The following GPR180 variants were observed in gnomAD, a reference collection of about 807,000 sequenced individuals.
GPR180 encodes the protein G protein-coupled receptor 180, also known as integral membrane protein GPR180.
A neutral mutation model predicts 52.6 loss-of-function variants in GPR180; 53 were observed. That is an observed-to-expected ratio of 1.01 (90% confidence interval 0.81 to 1.27). The LOEUF is 1.27. Among genes scored for constraint, GPR180 ranks in the 50% most tolerant of loss-of-function variants. The pLI, the probability that GPR180 is intolerant of heterozygous loss-of-function variation, is 0.00. For synonymous variants in GPR180, 200 were observed against 193.1 expected (o/e 1.04, Z -0.30); for missense variants, 533 against 527.0 (o/e 1.01, Z -0.11).
At chr13:94,623,438 T>G in intron 7 of GPR180, 138 bp downstream of exon 7, 1 of 645,268 alleles carries the variant, frequency 1.5e-6, no homozygotes, top group Non-Finnish European at 2.6e-6. Flanking sequence ...ATAATCCCAG[T>G]GCTTTGGAAG....
rs1203421435 is a variant in GPR180, at chr13:94,621,116, C to CT, written c.779dup (p.Leu260PhefsTer49). On this transcript the variant is annotated frameshift_variant, in exon 6 of 9. Coordinates refer to ENST00000376958, the MANE Select transcript of GPR180 (RefSeq NM_180989.6). LOFTEE classifies it high-confidence loss of function. ...TTCCCAAATTCAGATGTTATACTTA[C>CT]TTTTGAGTCTATGCATGGGTTGGAC... The CT allele has an allele frequency of 6.2e-7, 1 of 1,611,014 alleles. No individual in the cohort carries two copies. Among genetic ancestry groups the CT allele is most frequent in the Non-Finnish European group, 8.5e-7 (1 of 1,179,418 alleles).
chr13:94,605,617 CCAT>C, intron 2 of GPR180, 68 bp downstream of exon 2: 2 of 1,272,124 alleles, frequency 1.6e-6, no homozygotes, highest in South Asian at 2.7e-5. Flanking sequence ...AAATATAGTA[CCAT>C]ATGTACATAT....
chr13:94,619,423 T>G, intron 4 of GPR180, 45 bp from the exon 5 acceptor site: 1 of 1,603,188 alleles, frequency 6.2e-7, no homozygotes. Flanking sequence ...TATAAACAAT[T>G]TTTTTCACAT....
rs1165887566 is a variant in GPR180, at chr13:94,631,079, A to C, written c.*3908A>C. ...GGACAACAGCCAGGCCCACAGGAACACCAGTTCCTGCCGGAATGGCTCCTT... is the reference window on the plus strand; with the variant it reads ...GGACAACAGCCAGGCCCACAGGAACCCCAGTTCCTGCCGGAATGGCTCCTT... On this transcript the variant is annotated 3_prime_UTR_variant, in exon 9 of 9. Coordinates refer to ENST00000376958, the MANE Select transcript of GPR180 (RefSeq NM_180989.6). The C allele has an allele frequency of 6.6e-6, 1 of 152,230 alleles. No homozygotes were observed. The highest frequency in any genetic ancestry group is 1.5e-5 in the Non-Finnish European group (1 of 68,076). The allele number at this position is 152,230 out of a possible 1,614,324, so 9.4% of individuals were successfully genotyped here. A position where few individuals can be genotyped will look rare whatever the true frequency, so the allele number is the denominator to read the frequency against.
intron 7 of GPR180, among the ~76,000 whole-genome samples, chr13:94,624,840 CCTTT>C (rs960533670): frequency 6.6e-6 from 1 of 151,592 alleles, no homozygotes; most frequent in African/African-American, 2.4e-5. Context: ...CCGCACCCAG[CCTTT>C]CTTTTTTAAG....
intron 7 of GPR180, among the ~76,000 whole-genome samples, chr13:94,624,939 C>T (rs1380177893): frequency 1.3e-5 from 2 of 151,962 alleles, no homozygotes; most frequent in African/African-American, 4.8e-5. Context: ...TCAAGCGATT[C>T]TCCTGTTTCA....
At chr13:94,615,886 G>C (rs61965607) in intron 3 of GPR180, among the ~76,000 whole-genome samples, 28,150 of 152,220 alleles carry the variant, frequency 0.18, 2,896 homozygotes, top group Middle Eastern at 0.26. Flanking sequence ...TCAGTAATGT[G>C]TTGCTGGTAA....
chr13:94,609,671 A>G (rs1009726558), intron 2 of GPR180, among the ~76,000 whole-genome samples: 2 of 152,120 alleles, frequency 1.3e-5, no homozygotes, highest in Admixed American at 6.6e-5. Context: ...TATTGATCAT[A>G]TATTAAATTC....
chr13:94,619,111 T>G (rs1889818033), intron 3 of GPR180, 39 bp from the exon 4 acceptor site: 1 of 1,550,064 alleles, frequency 6.5e-7, no homozygotes, highest in African/African-American at 1.4e-5. Context: ...ATAACTGGCT[T>G]TGTTTTACTG....
chr13:94,608,366 GTTGT>G (rs1422717894), intron 2 of GPR180, among the ~76,000 whole-genome samples: 1 of 152,140 alleles, frequency 6.6e-6, no homozygotes, highest in Non-Finnish European at 1.5e-5. Context: ...ACCTTCTGCT[GTTGT>G]TTCTTTTTCT....
rs183514699 is a variant in GPR180, at chr13:94,625,686, A to G, written c.1087-280A>G. On this transcript the variant is annotated intron_variant, in intron 7 of 8. Transcript: ENST00000376958. ...TGTGCCTTGCTTTTGTCACTTAATAATTTGTTACTTATATTAATAATTTGT... is the reference window on the plus strand; with the variant it reads ...TGTGCCTTGCTTTTGTCACTTAATAGTTTGTTACTTATATTAATAATTTGT... Among the ~76,000 whole-genome samples, 140 of 152,230 alleles carry G rather than the reference A, an allele frequency of 9.2e-4. 1 individual carries two copies. The highest frequency in any genetic ancestry group is 1.9e-4 in the Non-Finnish European group (13 of 68,008).
intron 3 of GPR180, among the ~76,000 whole-genome samples, chr13:94,614,724 T>C (rs1218988366): frequency 2.6e-5 from 4 of 152,242 alleles, no homozygotes; most frequent in Non-Finnish European, 5.9e-5. Context: ...TTATGCTTAC[T>C]CTTGTGTCTA....
At chr13:94,619,887 T>C (rs1476489819) in intron 5 of GPR180, among the ~76,000 whole-genome samples, 1 of 152,098 alleles carries the variant, frequency 6.6e-6, no homozygotes, top group Non-Finnish European at 1.5e-5. Context: ...CCTGGCTGAT[T>C]TTTAAATTTC....
In GPR180 at chr13:94,612,351, G is replaced by T; in HGVS notation, c.466G>T (p.Glu156Ter). ...FEMVLLNPDA[E>*]GNPFDHFSAG... ...AATGGTGTTACTAAACCCAGATGCC[G>T]AAGGGAATCCATTTGATCATTTTAG... The change falls in exon 3 of 9, where the codon GAA becomes TAA. Residue 156 changes from glutamate (E) to a stop codon, truncating the protein, a stop_gained. Transcript: ENST00000376958. LOFTEE classifies it high-confidence loss of function. The T allele has an allele frequency of 3.7e-6, 6 of 1,613,116 alleles. No homozygotes were observed. The highest frequency in any genetic ancestry group is 5.1e-6 in the Non-Finnish European group (6 of 1,179,080).
Position 94,627,509 on chromosome 13 carries a change from A to G in GPR180, c.*338A>G, listed in dbSNP as rs1414354580. On this transcript the variant is annotated 3_prime_UTR_variant, in exon 9 of 9. Transcript: ENST00000376958. ...TCATCTTAATAGCTAACTCAGGTTTAATAGTCTTATAAAAAGTAATCAGTT... is the reference window on the plus strand; with the variant it reads ...TCATCTTAATAGCTAACTCAGGTTTGATAGTCTTATAAAAAGTAATCAGTT... 2.4e-5 allele frequency: 6 copies of G among 248,422 alleles called. No individual in the cohort carries two copies. In the East Asian group the frequency reaches 6.5e-4, roughly 27 times the overall value. The allele number at this position is 248,422 out of a possible 1,614,324, so 15.4% of individuals were successfully genotyped here. A position where few individuals can be genotyped will look rare whatever the true frequency, so the allele number is the denominator to read the frequency against.
At chr13:94,604,973 T>C (rs1355838400) in intron 1 of GPR180, among the ~76,000 whole-genome samples, 1 of 152,218 alleles carries the variant, frequency 6.6e-6, no homozygotes, top group Non-Finnish European at 1.5e-5. Context: ...TGCTATTAGC[T>C]ATGTTTATTT....
chr13:94,609,717 A>C (rs1395265280), intron 2 of GPR180, among the ~76,000 whole-genome samples: 1 of 151,626 alleles, frequency 6.6e-6, no homozygotes, highest in East Asian at 1.9e-4. Context: ...CAGAAACTAG[A>C]GTCTTTGCTA....
At chr13:94,625,275 G>A (rs914763402) in intron 7 of GPR180, among the ~76,000 whole-genome samples, 8 of 151,944 alleles carry the variant, frequency 5.3e-5, no homozygotes, top group Non-Finnish European at 2.9e-5. Context: ...TTATCCTTCT[G>A]GAGTTTTAAG....
rs1889997480 is a variant in GPR180, at chr13:94,631,500, T to C, written c.*4329T>C. ...CTAGTTCTATCATATTATCCCTTTT[T>C]TTGTTTGTTGTACTTAGCTGGTTTA... On this transcript the variant is annotated 3_prime_UTR_variant, in exon 9 of 9. Transcript: ENST00000376958. The C allele has an allele frequency of 6.6e-6, 1 of 151,336 alleles. No individual in the cohort carries two copies. The highest frequency in any genetic ancestry group is 2.4e-5 in the African/African-American group (1 of 41,092). 9.4% of individuals were successfully genotyped at this position (151,336 alleles called of 1,614,324 possible).
Sources: allele counts gnomAD v4.1 joint callset (sites outside exome capture counted in the v4.1 genomes callset), GRCh38; gene constraint gnomAD v4.1.1; transcripts MANE v1.5; gene names NCBI Gene and HGNC (gene_info 2026-07-23, HGNC 2026-07-21).